Variants in ARPC2 observed in about 807,000 individuals in gnomAD.
ARPC2 encodes actin-related protein 2/3 complex subunit 2.
In ARPC2, 4 loss-of-function variants were observed where a neutral mutation model predicts 38.6. That is an observed-to-expected ratio of 0.10 (90% CI 0.05 to 0.24). The LOEUF is 0.24. Among genes scored for constraint, ARPC2 ranks in the 10% least tolerant of loss-of-function variants. The pLI, the probability that ARPC2 is intolerant of heterozygous loss-of-function variation, is 1.00. For missense variants in ARPC2, 229 were observed against 387.3 expected, an observed-to-expected ratio of 0.59 and a Z score of 3.43; for synonymous variants, 125 against 140.8, an observed-to-expected ratio of 0.89 and a Z score of 0.79.
chr2:218,228,958 G>A (rs968169009), intron 4 of ARPC2, 108 bp downstream of exon 4: 3 of 674,412 alleles, frequency 4.4e-6, no homozygotes, highest in African/African-American at 1.8e-5. Context: ...ATGACTACTT[G>A]CTCACCTAAC....
At chr2:218,217,650 C>G in intron 2 of ARPC2, 106 bp downstream of exon 2, 2 of 1,240,178 alleles carry the variant, frequency 1.6e-6, no homozygotes, top group Non-Finnish European at 2.3e-6. Context: ...AATGGGGTGC[C>G]TGGCAGGGTG....
intron 2 of ARPC2, among the ~76,000 whole-genome samples, chr2:218,221,988 C>T (rs904310356): frequency 6.6e-6 from 1 of 152,226 alleles, no homozygotes; most frequent in African/African-American, 2.4e-5. Flanking sequence ...GGAATTGGGG[C>T]CAGGCACCCT....
intron 2 of ARPC2, among the ~76,000 whole-genome samples, chr2:218,225,007 C>T (rs1000438952): frequency 6.6e-6 from 1 of 152,128 alleles, no homozygotes; most frequent in Non-Finnish European, 1.5e-5. Context: ...TGTTTGCTAG[C>T]CCCTAAAACA....
At chr2:218,220,076 C>A (rs1341981667) in intron 2 of ARPC2, among the ~76,000 whole-genome samples, 1 of 152,038 alleles carries the variant, frequency 6.6e-6, no homozygotes, top group Admixed American at 6.5e-5. Context: ...AAAAAAGGGG[C>A]CTCTCTGAGA....
rs1574577150 is a variant in ARPC2, at chr2:218,225,796, C to T, written c.75-124C>T. 7.3e-6 allele frequency: 6 copies of T among 821,452 alleles called. No homozygotes were observed. In the East Asian group the frequency reaches 1.4e-4, roughly 19 times the overall value. 50.9% of individuals were successfully genotyped at this position (821,452 alleles called of 1,614,324 possible). A position where few individuals can be genotyped will look rare whatever the true frequency, so the allele number is the denominator to read the frequency against. On this transcript the variant is annotated intron_variant, in intron 2 of 10. Coordinates refer to ENST00000315717, the MANE Select transcript of ARPC2 (RefSeq NM_152862.3). ...AAAATGAATTGTGTACTCTGATTGG[C>T]AGTAACCTAAAATTTATACAGAATG... is the stretch of plus-strand genomic sequence containing the variant.
chr2:218,250,480 G>A (rs1020186266), intron 10 of ARPC2, among the ~76,000 whole-genome samples: 6 of 152,022 alleles, frequency 3.9e-5, no homozygotes, highest in African/African-American at 1.2e-4. Context: ...TGGCCAAGAC[G>A]GTGAAACCCC....
intron 8 of ARPC2, among the ~76,000 whole-genome samples, chr2:218,247,176 C>T (rs1026531048): frequency 2.6e-5 from 4 of 152,190 alleles, no homozygotes; most frequent in Admixed American, 2.0e-4. Context: ...GATGGGGGTT[C>T]TCTGTCATTT....
At chr2:218,225,153 C>G (rs1016993683) in intron 2 of ARPC2, among the ~76,000 whole-genome samples, 1 of 152,094 alleles carries the variant, frequency 6.6e-6, no homozygotes, top group African/African-American at 2.4e-5. Context: ...TTTTATTCCC[C>G]CATTTTATTG....
chr2:218,224,573 G>A (rs1323015133), intron 2 of ARPC2, among the ~76,000 whole-genome samples: 1 of 152,188 alleles, frequency 6.6e-6, no homozygotes, highest in East Asian at 1.9e-4. Flanking sequence ...GTTTCAAAAT[G>A]AAGGCTCAGA....
At chr2:218,228,275 T>TA (rs1229200267) in intron 3 of ARPC2, among the ~76,000 whole-genome samples, 1 of 151,974 alleles carries the variant, frequency 6.6e-6, no homozygotes, top group Admixed American at 6.6e-5. Context: ...TGGTGGCACA[T>TA]GCCTGTAGTC....
intron 10 of ARPC2, among the ~76,000 whole-genome samples, chr2:218,253,257 A>G (rs907472281): frequency 6.6e-6 from 1 of 152,120 alleles, no homozygotes; most frequent in African/African-American, 2.4e-5. Context: ...TTTCCCAGAT[A>G]CTGTTAGGTA....
In ARPC2 at chr2:218,249,403, A is replaced by G. The variant is rs1417583733; in HGVS notation, c.716A>G (p.Asn239Ser). The change falls in exon 9 of 11, where the codon AAC (asparagine) becomes AGC (serine). Residue 239 changes from asparagine to serine, a missense_variant. This residue lies in a region of ARPC2 where 92 missense variants were observed against 152.3 expected (regional missense o/e 0.60). Transcript: ENST00000315717. ...PRHTNASARD[N>S]TINLIHTFRD... ...CACACCAATGCCAGTGCTCGAGACA[A>G]CACCATCAACCTGATCCACACGTTC... is the stretch of plus-strand genomic sequence containing the variant. 1.2e-6 allele frequency: 2 copies of G among 1,613,340 alleles called. No homozygotes were observed. Among genetic ancestry groups the G allele is most frequent in the African/African-American group, 1.3e-5 (1 of 74,806 alleles).
chr2:218,217,318 T>G (rs1215169609), intron 1 of ARPC2, 64 bp downstream of exon 1: 2 of 676,730 alleles, frequency 3.0e-6, no homozygotes, highest in South Asian at 3.5e-5. Context: ...CGTCTTACCC[T>G]TCCCTCCACC....
intron 5 of ARPC2, chr2:218,234,741 C>T (rs566265783): frequency 3.9e-4 from 185 of 469,636 alleles, no homozygotes; most frequent in Non-Finnish European, 7.0e-4. Context: ...TTCCCACCCT[C>T]GGCCCTTAGT....
chr2:218,247,002 G>A (rs946554198), intron 8 of ARPC2, among the ~76,000 whole-genome samples: 1 of 152,046 alleles, frequency 6.6e-6, no homozygotes, highest in African/African-American at 2.4e-5. Flanking sequence ...GTGCATGACT[G>A]TAGTCATAGC....
intron 4 of ARPC2, chr2:218,233,599 G>C (rs1223810440): frequency 1.3e-5 from 2 of 151,514 alleles, no homozygotes; most frequent in African/African-American, 4.9e-5. Flanking sequence ...TTTGCCTTAA[G>C]AGCTGGCTAT....
At chr2:218,231,485 C>T (rs992502544) in intron 4 of ARPC2, among the ~76,000 whole-genome samples, 12 of 152,318 alleles carry the variant, frequency 7.9e-5, no homozygotes, top group South Asian at 2.1e-4. Context: ...ACCAATAGTA[C>T]GTGCAACACA....
chr2:218,249,611 T>C (rs2106160223), intron 9 of ARPC2, 147 bp downstream of exon 9: 2 of 773,704 alleles, frequency 2.6e-6, no homozygotes, highest in South Asian at 1.9e-5. Context: ...CCATGGTCTT[T>C]CTTCATCAAG....
chr2:218,239,246 C>T, intron 6 of ARPC2, 145 bp from the exon 7 acceptor site: 1 of 626,938 alleles, frequency 1.6e-6, no homozygotes, highest in Non-Finnish European at 2.8e-6. Flanking sequence ...CTTTGTTGAC[C>T]ATAAATATCA....
Sources: allele counts gnomAD v4.1 joint callset (sites outside exome capture counted in the v4.1 genomes callset), GRCh38; gene constraint gnomAD v4.1.1; regional missense constraint gnomAD v4.1.1; transcripts MANE v1.5; gene names NCBI Gene and HGNC (gene_info 2026-07-23, HGNC 2026-07-21).